CDON: variants seen among roughly 807,000 people sequenced by gnomAD.
CDON encodes the protein cell adhesion molecule-related/down-regulated by oncogenes.
In CDON, 73 loss-of-function variants were observed where a neutral mutation model predicts 120.9. The observed-to-expected ratio is 0.60, with a 90% CI of 0.50 to 0.73. The LOEUF is 0.73. Among genes scored for constraint, CDON ranks in the 30% least tolerant of loss-of-function variants. The pLI is 0.00. For missense variants in CDON, 1,470 were observed against 1,587.3 expected (o/e 0.93, Z 1.26); for synonymous variants, 566 against 573.5 (o/e 0.99, Z 0.19).
At position 125,957,829 on chromosome 11, in the gene CDON, C is replaced by G. The variant is rs1344659468; in HGVS notation, c.*3113G>C. 1 of 152,166 alleles carries G rather than the reference C, an allele frequency of 6.6e-6. No homozygotes were observed. The highest frequency in any genetic ancestry group is 1.5e-5 in the Non-Finnish European group (1 of 68,032). 9.4% of individuals were successfully genotyped at this position (152,166 alleles called of 1,614,324 possible). A position where few individuals can be genotyped will look rare whatever the true frequency, so the allele number is the denominator to read the frequency against. On this transcript the variant is annotated 3_prime_UTR_variant, in exon 20 of 20. Coordinates refer to ENST00000531738, the MANE Select transcript of CDON (RefSeq NM_001378964.1). ...CAATGTAACTTGCACCCTGGCAGCA[C>G]CTGTCACCAGACTGTCAGTGCAAAA... is the stretch of plus-strand genomic sequence containing the variant.
At chr11:126,045,139 C>A (rs1469439733) in intron 1 of CDON, among the ~76,000 whole-genome samples, 1 of 152,182 alleles carries the variant, frequency 6.6e-6, no homozygotes, top group Non-Finnish European at 1.5e-5. Context: ...GATTCTCCTG[C>A]CTCAGCCTCC....
chr11:126,001,892 T>C lies in CDON; in HGVS notation c.2027-42A>G, dbSNP rs949823979. 8.2e-6 allele frequency: 12 copies of C among 1,461,796 alleles called. 1 individual carries two copies. The highest frequency in any genetic ancestry group is 1.7e-5 in the Admixed American group (1 of 59,754). 90.6% of individuals were successfully genotyped at this position (1,461,796 alleles called of 1,614,324 possible). The stretch of plus-strand genomic sequence containing the variant: ...ACATATACAGTAACATAAGCATATA[T>C]GTATGTAAAGTGGAAAAAAAAGAGT... On this transcript the variant is annotated intron_variant, in intron 10 of 19. Transcript: ENST00000531738.
At chr11:125,997,847 T>C (rs1030326004) in intron 11 of CDON, among the ~76,000 whole-genome samples, 4 of 152,236 alleles carry the variant, frequency 2.6e-5, no homozygotes, top group Non-Finnish European at 4.4e-5. Flanking sequence ...CTAATTCTTA[T>C]ACTATTACTA....
chr11:126,043,667 G>C (rs1424850737), intron 1 of CDON, among the ~76,000 whole-genome samples: 1 of 152,206 alleles, frequency 6.6e-6, no homozygotes, highest in African/African-American at 2.4e-5. Flanking sequence ...TTTGCACCCA[G>C]GGCAACCCCA....
intron 18 of CDON, among the ~76,000 whole-genome samples, chr11:125,965,853 G>A (rs563723076): frequency 6.6e-6 from 1 of 152,298 alleles, no homozygotes; most frequent in Non-Finnish European, 1.5e-5. Context: ...TCAATAAAAA[G>A]CCTGGTTACT....
intron 1 of CDON, among the ~76,000 whole-genome samples, chr11:126,052,881 A>G (rs1213870824): frequency 6.6e-6 from 1 of 152,140 alleles, no homozygotes; most frequent in Non-Finnish European, 1.5e-5. Context: ...TTTACATAGC[A>G]TTTAAATTGT....
intron 15 of CDON, among the ~76,000 whole-genome samples, chr11:125,985,947 C>T (rs1946447411): frequency 6.6e-6 from 1 of 152,064 alleles, no homozygotes; most frequent in African/African-American, 2.4e-5. Flanking sequence ...ACCATTTGAC[C>T]CAGCAATCCC....
chr11:126,022,427 G>A (rs1159499193), intron 2 of CDON, among the ~76,000 whole-genome samples: 1 of 152,174 alleles, frequency 6.6e-6, no homozygotes, highest in African/African-American at 2.4e-5. Flanking sequence ...TTTTATTTGG[G>A]ATTTGAAATG....
intron 10 of CDON, 111 bp downstream of exon 10, chr11:126,003,791 G>A: frequency 9.8e-7 from 1 of 1,017,454 alleles, no homozygotes. Context: ...CTGCACTCCA[G>A]CCTGCGTGAC....
At chr11:125,981,405 T>G (rs624070) in intron 16 of CDON, 76 bp from the exon 17 acceptor site, 24 of 1,465,718 alleles carry the variant, frequency 1.6e-5, no homozygotes, top group Non-Finnish European at 2.3e-5. Flanking sequence ...CACACACGCA[T>G]GCACACATGC....
At chr11:125,972,066 C>CT in intron 18 of CDON, among the ~76,000 whole-genome samples, 1 of 152,210 alleles carries the variant, frequency 6.6e-6, no homozygotes, top group Non-Finnish European at 1.5e-5. Flanking sequence ...AACTGGCTCT[C>CT]TGCAAAGCTG....
Position 126,010,528 on chromosome 11 carries a change from C to T in CDON, c.1365G>A (p.Ser455=), listed in dbSNP as rs767135968. ...ITSHPSQVLR[S]KSRKSQLSRP... ...TTGATAACTGTGATTTTCGGGATTTCGATCTCAGGACTTGAGATGGATGGC... is the reference window on the plus strand; with the variant it reads ...TTGATAACTGTGATTTTCGGGATTTTGATCTCAGGACTTGAGATGGATGGC... Residue 455 remains serine, a synonymous_variant, in exon 8 of 20, where the codon TCG becomes TCA. Coordinates refer to ENST00000531738, the MANE Select transcript of CDON (RefSeq NM_001378964.1). 22 of 1,613,980 alleles carry T rather than the reference C, an allele frequency of 1.4e-5. No individual in the cohort carries two copies. Among genetic ancestry groups the T allele is most frequent in the South Asian group, 5.5e-5 (5 of 91,084 alleles).
Position 125,994,313 on chromosome 11 carries a change from T to A in CDON, c.2621A>T (p.Asp874Val). The change falls in exon 14 of 20, where the codon GAC becomes GTC. Residue 874 changes from aspartate to valine, a missense_variant. Coordinates refer to ENST00000531738, the MANE Select transcript of CDON (RefSeq NM_001378964.1). ...TACAACATCCCTCTTGTAATCACTG[T>A]CATTGTCACTATCTGTTGGTCGGTA... ...IYYRPTDSDN[D>V]SDYKRDVVEG... 1.9e-6 allele frequency: 3 copies of A among 1,601,142 alleles called. No homozygotes were observed. The highest frequency in any genetic ancestry group is 2.6e-6 in the Non-Finnish European group (3 of 1,168,274).
intron 7 of CDON, among the ~76,000 whole-genome samples, chr11:126,012,961 T>A (rs1947349682): frequency 6.6e-6 from 1 of 151,990 alleles, no homozygotes; most frequent in Admixed American, 6.6e-5. Flanking sequence ...TCAAAGGGAG[T>A]GCTTCTTATA....
chr11:125,998,293 T>A (rs933388092), intron 11 of CDON, among the ~76,000 whole-genome samples: 1 of 152,178 alleles, frequency 6.6e-6, no homozygotes, highest in Non-Finnish European at 1.5e-5. Context: ...ATCCCCAATG[T>A]TGGAGGTGGG....
intron 5 of CDON, among the ~76,000 whole-genome samples, chr11:126,017,776 TTTC>T (rs1224090785): frequency 6.6e-6 from 1 of 152,044 alleles, no homozygotes; most frequent in Non-Finnish European, 1.5e-5. Flanking sequence ...ATCTCCTCTA[TTTC>T]TTCTTGTTTG....
At chr11:125,989,584 A>G in intron 15 of CDON, 53 bp downstream of exon 15, 1 of 1,553,772 alleles carries the variant, frequency 6.4e-7, no homozygotes, top group Non-Finnish European at 8.9e-7. Flanking sequence ...CAGAAGCAGT[A>G]ATCCAGGGTT....
intron 1 of CDON, among the ~76,000 whole-genome samples, chr11:126,031,436 T>C (rs965942725): frequency 1.3e-5 from 2 of 152,248 alleles, no homozygotes; most frequent in Non-Finnish European, 2.9e-5. Context: ...AAAAGTGATA[T>C]TATAGCTTCA....
chr11:126,049,463 T>G (rs1591432152), intron 1 of CDON, among the ~76,000 whole-genome samples: 2 of 152,202 alleles, frequency 1.3e-5, no homozygotes, highest in African/African-American at 4.8e-5. Flanking sequence ...CTATTACAAC[T>G]CAGTCTTCAT....
Sources: allele counts gnomAD v4.1 joint callset (sites outside exome capture counted in the v4.1 genomes callset), GRCh38; gene constraint gnomAD v4.1.1; transcripts MANE v1.5; gene names NCBI Gene and HGNC (gene_info 2026-07-23, HGNC 2026-07-21).